The following MLH3 variants were observed in gnomAD, a reference collection of about 807,000 sequenced individuals.
MLH3 encodes the protein mutL homolog 3, also known as DNA mismatch repair protein Mlh3.
In MLH3, 82 loss-of-function variants were observed where a neutral mutation model predicts 122.2. The ratio of observed to expected loss-of-function variants is 0.67; its 90% CI spans 0.56 to 0.81. The LOEUF is 0.81. MLH3 is among the 30% of genes least tolerant of loss of function. MLH3 has a pLI of 0.00. For synonymous variants in MLH3, 524 were observed against 599.5 expected (o/e 0.87, Z 1.84); for missense variants, 1,539 against 1,714.5 (o/e 0.90, Z 1.81).
Position 75,047,431 on chromosome 14 carries a change from C to A in MLH3, c.2225G>T (p.Arg742Leu). 1 of 1,614,080 alleles carries A rather than the reference C, an allele frequency of 6.2e-7. No individual in the cohort carries two copies. The highest frequency in any genetic ancestry group is 8.5e-7 in the Non-Finnish European group (1 of 1,179,972). The change falls in exon 2 of 13, where the codon CGT becomes CTT. Residue 742 changes from arginine to leucine, a missense_variant. By Grantham distance (102) the Arg-to-Leu change is moderately radical (BLOSUM62 -2). Transcript: ENST00000355774. ...KLIGFSKPIV[R>L]KKLSLSSQLG... is the part of the protein sequence containing the mutation. ...CTGTGAACTCAAGCTTAGCTTCTTACGGACGATTGGTTTGGAGAAACCAAT... is the reference window on the plus strand; with the variant it reads ...CTGTGAACTCAAGCTTAGCTTCTTAAGGACGATTGGTTTGGAGAAACCAAT...
chr14:75,035,062 CAAAAA>C (rs36096670), intron 6 of MLH3, among the ~76,000 whole-genome samples: 30 of 40,242 alleles, frequency 7.5e-4, no homozygotes, highest in Non-Finnish European at 5.1e-4. Context: ...GACTCCATCT[CAAAAA>C]AAAAAAAAAA....
At chr14:75,019,265 C>A (rs1890108735) in intron 11 of MLH3, among the ~76,000 whole-genome samples, 1 of 151,886 alleles carries the variant, frequency 6.6e-6, no homozygotes, top group Admixed American at 6.6e-5. Flanking sequence ...CAAAAATTAG[C>A]CGGGTGTGGT....
chr14:75,047,461 T>C lies in MLH3; in HGVS notation c.2195A>G (p.Lys732Arg). 1 of 1,614,134 alleles carries C rather than the reference T, an allele frequency of 6.2e-7. No individual in the cohort carries two copies. Among genetic ancestry groups the C allele is most frequent in the Non-Finnish European group, 8.5e-7 (1 of 1,180,024 alleles). The change falls in exon 2 of 13, where the codon AAA (lysine) becomes AGA (arginine). Residue 732 changes from lysine to arginine, a missense_variant. Lys to Arg is a conservative substitution (Grantham distance 26). Transcript: ENST00000355774. The stretch of plus-strand genomic sequence containing the variant: ...GATTGGTTTGGAGAAACCAATTAAT[T>C]TATCTGTTTTCCTACTATCATTGGA... ...HVSNDSRKTDKLIGFSKPIVR... is the reference protein window; with the variant it reads ...HVSNDSRKTDRLIGFSKPIVR...
chr14:75,041,767 C>T, intron 3 of MLH3, 67 bp from the exon 4 acceptor site: 1 of 1,150,056 alleles, frequency 8.7e-7, no homozygotes, highest in Non-Finnish European at 1.3e-6. Flanking sequence ...ATGGCATTTC[C>T]TGTTTGGTGA....
At chr14:75,024,571 G>A (rs1890505571) in intron 9 of MLH3, among the ~76,000 whole-genome samples, 2 of 152,322 alleles carry the variant, frequency 1.3e-5, no homozygotes, top group East Asian at 1.9e-4. Flanking sequence ...GCCATGGCGC[G>A]ATCTCAGCTC....
At chr14:75,044,927 CCTCCCAACAT>C (rs1198976338) in intron 2 of MLH3, among the ~76,000 whole-genome samples, 1 of 152,208 alleles carries the variant, frequency 6.6e-6, no homozygotes, top group African/African-American at 2.4e-5. Context: ...AGCTTTATCA[CCTCCCAACAT>C]CTGGCTCTCA....
rs34231080 is a variant in MLH3, at chr14:75,039,883, T to TATATATATA, written c.3570+27_3570+28insTATATATAT. 130 of 524,392 alleles carry TATATATATA rather than the reference T, an allele frequency of 2.5e-4. No homozygotes were observed. Among genetic ancestry groups the TATATATATA allele is most frequent in the Non-Finnish European group, 3.1e-4 (94 of 304,012 alleles). 32.5% of individuals were successfully genotyped at this position (524,392 alleles called of 1,614,324 possible). ...TATATATATATATATATATATATAT[T>TATATATATA]TATGAGATTTTGAAGTTAATCTTTT... is the stretch of plus-strand genomic sequence containing the variant. On this transcript the variant is annotated intron_variant, in intron 5 of 12. Transcript: ENST00000355774.
In MLH3 at chr14:75,048,413, T is replaced by C. The variant is rs1055422553; in HGVS notation, c.1243A>G (p.Thr415Ala). The change falls in exon 2 of 13, where the codon ACT (threonine) becomes GCT (alanine). Residue 415 changes from threonine to alanine, a missense_variant. By Grantham distance (58) the Thr-to-Ala change is moderately conservative (BLOSUM62 0). Transcript: ENST00000355774. Reference protein sequence around the residue: ...NLQSKAVKRKTTAENVNTQSS... With the variant: ...NLQSKAVKRKATAENVNTQSS... Reference sequence around the variant, plus strand: ...TGTGTGTTTACGTTTTCTGCAGTAGTTTTTCTTTTCACAGCTTTTGACTGC... The same window carrying C: ...TGTGTGTTTACGTTTTCTGCAGTAGCTTTTCTTTTCACAGCTTTTGACTGC... The C allele has an allele frequency of 6.2e-7, 1 of 1,607,760 alleles. No individual in the cohort carries two copies. Among genetic ancestry groups the C allele is most frequent in the East Asian group, 2.2e-5 (1 of 44,858 alleles).
At chr14:75,027,664 T>TAGA (rs1890721774) in intron 9 of MLH3, among the ~76,000 whole-genome samples, 1 of 30,900 alleles carries the variant, frequency 3.2e-5, no homozygotes, top group Non-Finnish European at 5.8e-5. Context: ...TTTACTTCAG[T>TAGA]AAAAAAAAAA....
At chr14:75,018,335 T>C (rs1332830490) in intron 12 of MLH3, among the ~76,000 whole-genome samples, 1 of 152,184 alleles carries the variant, frequency 6.6e-6, no homozygotes, top group Non-Finnish European at 1.5e-5. Context: ...AAGCATAATG[T>C]AGAGATCCCC....
In MLH3 at chr14:75,016,265, T is replaced by C. The variant is rs567175961; in HGVS notation, c.*817A>G. 9.7e-6 allele frequency: 2 copies of C among 205,306 alleles called. No homozygotes were observed. The highest frequency in any genetic ancestry group is 3.8e-4 in the South Asian group (2 of 5,282). 12.7% of individuals were successfully genotyped at this position (205,306 alleles called of 1,614,324 possible). A position where few individuals can be genotyped will look rare whatever the true frequency, so the allele number is the denominator to read the frequency against. ...TAAAGATATTTGGTTAGGTTGAACG[T>C]ATGTATGCTGTGTTTTGATATGACA... On this transcript the variant is annotated 3_prime_UTR_variant, in exon 13 of 13. Transcript: ENST00000355774.
Position 75,016,912 on chromosome 14 carries a change from G to T in MLH3, c.*170C>A. On this transcript the variant is annotated 3_prime_UTR_variant, in exon 13 of 13. Transcript: ENST00000355774. ...TGAATTTCATCTGGCTACTCAACTA[G>T]GGGAATCATCTGCTCAAGAAAGACT... The T allele has an allele frequency of 1.4e-6, 1 of 726,408 alleles. No homozygotes were observed. The highest frequency in any genetic ancestry group is 2.4e-6 in the Non-Finnish European group (1 of 412,600). The allele number at this position is 726,408 out of a possible 1,614,324, so 45.0% of individuals were successfully genotyped here.
intron 4 of MLH3, among the ~76,000 whole-genome samples, chr14:75,040,449 C>CAAAAAAAAAAAAAAA (rs36233766): frequency 3.1e-4 from 11 of 35,592 alleles, no homozygotes; most frequent in South Asian, 2.2e-3. Flanking sequence ...GACTCTGTCA[C>CAAAAAAAAAAAAAAA]AAAAAAAAAA....
Position 75,025,829 on chromosome 14 carries a change from G to T in MLH3, c.3988-2811C>A, listed in dbSNP as rs562852222. ...CACGATGGAACTCCTAGGCAGGTTT[G>T]TTCCTCCTCATCTGTGTCCCTTCTC... On this transcript the variant is annotated intron_variant, in intron 9 of 12. Coordinates refer to ENST00000355774, the MANE Select transcript of MLH3 (RefSeq NM_001040108.2). 2.5e-3 allele frequency among the ~76,000 whole-genome samples: 382 copies of T among 152,274 alleles called. 5 individuals are homozygous for T. Among genetic ancestry groups the T allele is most frequent in the Non-Finnish European group, 8.5e-4 (58 of 68,026 alleles).
chr14:75,044,075 G>A (rs1244497543), intron 2 of MLH3, among the ~76,000 whole-genome samples: 1 of 151,582 alleles, frequency 6.6e-6, no homozygotes, highest in Non-Finnish European at 1.5e-5. Context: ...GGCAACAAGA[G>A]CGAAACTCCG....
rs1433367660 is a variant in MLH3, at chr14:75,018,948, G to A, written c.4123C>T (p.Gln1375Ter). ...AIKFNDGLSL[Q>*]ESCRLIEALS... ...GCTTCAATAAGGCGGCAACTTTCCTGTAAGCTCAGGCCATCATTAAACTTA... is the reference window on the plus strand; with the variant it reads ...GCTTCAATAAGGCGGCAACTTTCCTATAAGCTCAGGCCATCATTAAACTTA... Residue 1375 changes from glutamine to a stop codon, truncating the protein, a stop_gained, in exon 12 of 13, where the codon CAG becomes TAG. Coordinates refer to ENST00000355774, the MANE Select transcript of MLH3 (RefSeq NM_001040108.2). LOFTEE classifies it high-confidence loss of function. 1 of 1,614,176 alleles carries A rather than the reference G, an allele frequency of 6.2e-7. No homozygotes were observed.
chr14:75,027,106 G>GAAATA (rs967559691), intron 9 of MLH3, among the ~76,000 whole-genome samples: 13 of 151,620 alleles, frequency 8.6e-5, no homozygotes, highest in African/African-American at 2.9e-4. Context: ...CTCAAAAAAT[G>GAAATA]AAATAAAATA....
chr14:75,049,167 G>C lies in MLH3; in HGVS notation c.489C>G (p.Asp163Glu). ...TAACCTTCTCAAACTCCAGTCTAGG[G>C]TCCATGCATTTCCTCCTTACAGGAA... is the stretch of plus-strand genomic sequence containing the variant. ...YQLPVRRKCM[D>E]PRLEFEKVRQ... The change falls in exon 2 of 13, where the codon GAC becomes GAG. Residue 163 changes from aspartate to glutamate, a missense_variant. Physicochemically the swap from Asp to Glu is conservative, Grantham distance 45. Transcript: ENST00000355774. 6.2e-7 allele frequency: 1 copy of C among 1,614,160 alleles called. No homozygotes were observed. The highest frequency in any genetic ancestry group is 2.2e-5 in the East Asian group (1 of 44,888).
rs907606500 is a variant in MLH3, at chr14:75,049,414, A to G, written c.242T>C (p.Val81Ala). 6.2e-7 allele frequency: 1 copy of G among 1,614,056 alleles called. No homozygotes were observed. Among genetic ancestry groups the G allele is most frequent in the African/African-American group, 1.3e-5 (1 of 75,048 alleles). Reference sequence around the variant, plus strand: ...AAACCTTGGATTCTCCAAGTCCTGTACCGAGTGGCATTTACTGGTGAAATA... The same window carrying G: ...AAACCTTGGATTCTCCAAGTCCTGTGCCGAGTGGCATTTACTGGTGAAATA... ...NRYFTSKCHS[V>A]QDLENPRFYG... The change falls in exon 2 of 13, where the codon GTA becomes GCA. Residue 81 changes from valine to alanine, a missense_variant. Physicochemically the swap from Val to Ala is moderately conservative, Grantham distance 64. Transcript: ENST00000355774.
Sources: allele counts gnomAD v4.1 joint callset (sites outside exome capture counted in the v4.1 genomes callset), GRCh38; gene constraint gnomAD v4.1.1; transcripts MANE v1.5; gene names NCBI Gene and HGNC (gene_info 2026-07-23, HGNC 2026-07-21).